The following CAP1 variants were observed in gnomAD, a reference collection of about 807,000 sequenced individuals.
The protein encoded by CAP1 is cyclase associated actin cytoskeleton regulatory protein 1, also known as adenylyl cyclase-associated protein 1.
In CAP1, 11 loss-of-function variants were observed where a neutral mutation model predicts 58.2. That is an observed-to-expected ratio of 0.19 (90% CI 0.12 to 0.31). CAP1 has a LOEUF of 0.31. Ranked by LOEUF, CAP1 falls within the 10% of genes least tolerant of loss-of-function variation. The probability of loss-of-function intolerance (pLI) is 1.00; values close to 1 mark genes in which losing one functional copy is unlikely to be tolerated. For synonymous variants in CAP1, 183 were observed against 213.8 expected (o/e 0.86, Z 1.26); for missense variants, 423 against 587.5 (o/e 0.72, Z 2.89).
At position 40,071,637 on chromosome 1, in the gene CAP1, G is replaced by A; in HGVS notation, c.*104G>A. 2.7e-6 allele frequency: 2 copies of A among 740,842 alleles called. No homozygotes were observed. The highest frequency in any genetic ancestry group is 2.4e-5 in the Admixed American group (1 of 42,480). The allele number at this position is 740,842 out of a possible 1,614,324, so 45.9% of individuals were successfully genotyped here. A position where few individuals can be genotyped will look rare whatever the true frequency, so the allele number is the denominator to read the frequency against. On this transcript the variant is annotated 3_prime_UTR_variant, in exon 13 of 13. Coordinates refer to ENST00000372805, the MANE Select transcript of CAP1 (RefSeq NM_006367.4). Reference sequence around the variant, plus strand: ...CCTCTACCTTTTTGCTCTTAAAACTGCTTCTCTGCTCTGAGAAGCACAGCT... The same window carrying A: ...CCTCTACCTTTTTGCTCTTAAAACTACTTCTCTGCTCTGAGAAGCACAGCT...
intron 6 of CAP1, among the ~76,000 whole-genome samples, chr1:40,065,135 A>G (rs1242424726): frequency 6.6e-6 from 1 of 152,230 alleles, no homozygotes; most frequent in East Asian, 1.9e-4. Context: ...TGGCAGTAAC[A>G]TGGACTAATG....
chr1:40,044,509 T>C (rs1645991118), intron 1 of CAP1, among the ~76,000 whole-genome samples: 1 of 152,206 alleles, frequency 6.6e-6, no homozygotes, highest in African/African-American at 2.4e-5. Context: ...CAGACAAATC[T>C]TTTTAAAGTT....
intron 1 of CAP1, among the ~76,000 whole-genome samples, chr1:40,042,628 C>T (rs1213068233): frequency 6.6e-6 from 1 of 152,036 alleles, no homozygotes; most frequent in East Asian, 1.9e-4. Context: ...GGATTTTTAC[C>T]CTGAAAGCTA....
chr1:40,070,472 G>A lies in CAP1; in HGVS notation c.1160G>A (p.Gly387Asp). The part of the protein sequence containing the change: ...KLGLVFDDVV[G>D]IVEIINSKDV... ...GGCCTGGTATTCGATGACGTGGTGG[G>A]CATTGTGGAGATAATCAACAGTAAG... The change falls in exon 11 of 13, where the codon GGC (glycine) becomes GAC (aspartate). Residue 387 changes from glycine (G) to aspartate (D), a missense_variant. Transcript: ENST00000372805. 1 of 1,614,082 alleles carries A rather than the reference G, an allele frequency of 6.2e-7. No homozygotes were observed. Among genetic ancestry groups the A allele is most frequent in the Non-Finnish European group, 8.5e-7 (1 of 1,179,968 alleles).
At chr1:40,054,193 C>CTTTT (rs398052925) in intron 1 of CAP1, among the ~76,000 whole-genome samples, 6 of 136,394 alleles carry the variant, frequency 4.4e-5, no homozygotes, top group Admixed American at 2.3e-4. Flanking sequence ...GCCCACTGTT[C>CTTTT]TTTTTTTTTT....
Position 40,070,416 on chromosome 1 carries a change from C to T in CAP1, c.1118-14C>T. On this transcript the variant is annotated splice_polypyrimidine_tract_variant and intron_variant, in intron 10 of 12. Coordinates refer to ENST00000372805, the MANE Select transcript of CAP1 (RefSeq NM_006367.4). Reference sequence around the variant, plus strand: ...TTAAAGTTACACGTTGACACACTCCCTTTCTTCTCCTAGATAACTGTAAGA... The same window carrying T: ...TTAAAGTTACACGTTGACACACTCCTTTTCTTCTCCTAGATAACTGTAAGA... 1 of 1,611,632 alleles carries T rather than the reference C, an allele frequency of 6.2e-7. No individual in the cohort carries two copies. The highest frequency in any genetic ancestry group is 8.5e-7 in the Non-Finnish European group (1 of 1,177,728).
intron 1 of CAP1, among the ~76,000 whole-genome samples, chr1:40,057,889 C>G (rs1646683633): frequency 6.6e-6 from 1 of 152,178 alleles, no homozygotes; most frequent in Non-Finnish European, 1.5e-5. Flanking sequence ...CTTAGGGTCT[C>G]AAATACTTTA....
intron 1 of CAP1, among the ~76,000 whole-genome samples, chr1:40,047,177 G>A (rs913520771): frequency 1.5e-5 from 2 of 137,614 alleles, no homozygotes; most frequent in African/African-American, 6.0e-5. Context: ...TGTTGATTTT[G>A]TGGTCCATCC....
rs1332468459 is a variant in CAP1, at chr1:40,070,080, CA to C, written c.994-74del. 28 of 1,592,750 alleles carry C rather than the reference CA, an allele frequency of 1.8e-5. No individual in the cohort carries two copies. In the East Asian group the frequency reaches 6.0e-4, roughly 34 times the overall value. On this transcript the variant is annotated intron_variant, in intron 9 of 12. Coordinates refer to ENST00000372805, the MANE Select transcript of CAP1 (RefSeq NM_006367.4). The stretch of plus-strand genomic sequence containing the variant: ...AGAGTTCTGGCTTCAATTGCAAGAA[CA>C]AAAAGTTTGGGATAGCCTGGTTATT...
chr1:40,062,206 C>T (rs1000903273), intron 4 of CAP1, among the ~76,000 whole-genome samples: 1 of 112,422 alleles, frequency 8.9e-6, no homozygotes, highest in Admixed American at 9.6e-5. Flanking sequence ...TCTCCTCATC[C>T]TTCACTGGTT....
intron 1 of CAP1, 55 bp downstream of exon 1, chr1:40,040,856 C>T (rs947973793): frequency 1.3e-5 from 2 of 152,952 alleles, no homozygotes; most frequent in Non-Finnish European, 2.9e-5. Context: ...CCATCGGCCC[C>T]TGGTGGTGTT....
At chr1:40,063,817 G>C (rs144669193) in intron 4 of CAP1, among the ~76,000 whole-genome samples, 19 of 152,342 alleles carry the variant, frequency 1.2e-4, no homozygotes, top group African/African-American at 3.8e-4. Context: ...AACAAATGCT[G>C]TAGGAGGCTG....
chr1:40,070,422 TCTC>T lies in CAP1; in HGVS notation c.1118-5_1118-3del, dbSNP rs372461100. 231 of 1,612,770 alleles carry T rather than the reference TCTC, an allele frequency of 1.4e-4. No individual in the cohort carries two copies. In the East Asian group the frequency reaches 4.9e-3, roughly 34 times the overall value. On this transcript the variant is annotated splice_polypyrimidine_tract_variant and splice_region_variant and intron_variant, in intron 10 of 12. Transcript: ENST00000372805. ...TTACACGTTGACACACTCCCTTTCT[TCTC>T]CTAGATAACTGTAAGAAACTTGGCC...
chr1:40,070,617 T>C (rs1647733638), intron 11 of CAP1, 105 bp downstream of exon 11: 1 of 1,079,208 alleles, frequency 9.3e-7, no homozygotes, highest in Non-Finnish European at 1.4e-6. Context: ...TTCTACAAAG[T>C]CTGTAAGCTG....
At chr1:40,040,704 T>A (rs1044887232), upstream of CAP1, 1 of 152,598 alleles carries the variant, frequency 6.6e-6, no homozygotes, top group Non-Finnish European at 1.5e-5. Flanking sequence ...CCGCGCCCAG[T>A]GAGGGCCCGG....
chr1:40,059,527 C>G, intron 2 of CAP1, 69 bp downstream of exon 2: 1 of 926,370 alleles, frequency 1.1e-6, no homozygotes, highest in Non-Finnish European at 1.7e-6. Context: ...CTATTATTCT[C>G]TCCTTTGGCG....
At chr1:40,066,007 CTCTA>C (rs1052623092) in intron 6 of CAP1, among the ~76,000 whole-genome samples, 2 of 152,120 alleles carry the variant, frequency 1.3e-5, no homozygotes, top group South Asian at 2.1e-4. Flanking sequence ...AATCCAGAGT[CTCTA>C]TCTTAGTGGA....
rs754951192 is a variant in CAP1 at position 40,071,515 on chromosome 1, G to A, written c.1410G>A (p.Val470=). The A allele has an allele frequency of 9.3e-6, 15 of 1,612,986 alleles. No individual in the cohort carries two copies. The highest frequency in any genetic ancestry group is 1.7e-5 in the Admixed American group (1 of 60,006). ...ACGGGCAGAAGTTGGTCACCACAGTGACAGAAATTGCTGGATAAGCGAAGT... is the reference window on the plus strand; with the variant it reads ...ACGGGCAGAAGTTGGTCACCACAGTAACAGAAATTGCTGGATAAGCGAAGT... The part of the protein sequence containing the change: ...LWNGQKLVTT[V]TEIAG Residue 470 remains valine (V), a synonymous_variant, in exon 13 of 13, where the codon GTG becomes GTA. Coordinates refer to ENST00000372805, the MANE Select transcript of CAP1 (RefSeq NM_006367.4).
intron 1 of CAP1, among the ~76,000 whole-genome samples, chr1:40,052,471 T>C (rs1352782186): frequency 1.3e-5 from 2 of 152,210 alleles, no homozygotes; most frequent in African/African-American, 4.8e-5. Context: ...TTCTTGGTTA[T>C]TGACAATTAG....
Sources: gnomAD v4.1 joint callset for allele counts (sites outside exome capture counted in the v4.1 genomes callset) on GRCh38, gnomAD v4.1.1 for gene constraint, MANE v1.5 for transcripts, NCBI Gene and HGNC (gene_info 2026-07-23, HGNC 2026-07-21) for gene names.